MFSD8: variants seen among roughly 807,000 people sequenced by gnomAD.
The protein encoded by MFSD8 is major facilitator superfamily domain-containing protein 8.
A neutral mutation model predicts 66.4 loss-of-function variants in MFSD8; 55 were observed. The observed-to-expected ratio is 0.83, with a 90% CI of 0.67 to 1.04. MFSD8 has a LOEUF of 1.04. Ranked by LOEUF, MFSD8 falls within the 50% of genes least tolerant of loss-of-function variation. The pLI is 0.00. For synonymous variants in MFSD8, 202 were observed against 212.8 expected (o/e 0.95, Z 0.44); for missense variants, 550 against 627.6 (o/e 0.88, Z 1.32).
intron 6 of MFSD8, chr4:127,939,626 AAAAAAAC>A: frequency 3.0e-6 from 1 of 328,140 alleles, no homozygotes; most frequent in Non-Finnish European, 5.5e-6. Context: ...AAAAAAAAAA[AAAAAAAC>A]TTTGAATCTT....
chr4:127,950,260 G>C (rs1331564345), intron 2 of MFSD8, among the ~76,000 whole-genome samples: 3 of 152,204 alleles, frequency 2.0e-5, no homozygotes, highest in Non-Finnish European at 4.4e-5. Flanking sequence ...TAAGGAAAAT[G>C]ATCATCTACA....
At chr4:127,931,989 T>C (rs1374348496) in intron 8 of MFSD8, among the ~76,000 whole-genome samples, 1 of 152,118 alleles carries the variant, frequency 6.6e-6, no homozygotes, top group African/African-American at 2.4e-5. Context: ...CGCATGCCTG[T>C]GGTCCCAGCT....
chr4:127,941,059 T>C (rs1740106829), intron 5 of MFSD8, among the ~76,000 whole-genome samples: 1 of 152,190 alleles, frequency 6.6e-6, no homozygotes, highest in African/African-American at 2.4e-5. Context: ...CATAAGTCTA[T>C]ACCAGGTATT....
chr4:127,927,729 C>T (rs1737454032), intron 9 of MFSD8, among the ~76,000 whole-genome samples: 1 of 152,080 alleles, frequency 6.6e-6, no homozygotes, highest in African/African-American at 2.4e-5. Context: ...CTCTGTCACC[C>T]AGACTGGAGT....
chr4:127,918,955 G>C lies in MFSD8; in HGVS notation c.*1675C>G, dbSNP rs1439859234. The stretch of plus-strand genomic sequence containing the variant: ...ATTAGACGTGGCCCAAAAAATGTAA[G>C]ACAGAGAAAGCAGCTGCAGAATAGC... On this transcript the variant is annotated 3_prime_UTR_variant, in exon 12 of 12. Coordinates refer to ENST00000641686, the MANE Select transcript of MFSD8 (RefSeq NM_001371596.2). The C allele has an allele frequency of 6.6e-6, 1 of 152,152 alleles. No individual in the cohort carries two copies. The highest frequency in any genetic ancestry group is 1.5e-5 in the Non-Finnish European group (1 of 68,048). The allele number at this position is 152,152 out of a possible 1,614,324, so 9.4% of individuals were successfully genotyped here. A position where few individuals can be genotyped will look rare whatever the true frequency, so the allele number is the denominator to read the frequency against.
chr4:127,921,486 T>C (rs1736326498), intron 11 of MFSD8, 38 bp downstream of exon 11: 1 of 1,613,326 alleles, frequency 6.2e-7, no homozygotes, highest in African/African-American at 1.3e-5. Context: ...CTTACAAGTA[T>C]ATTTTCTATA....
chr4:127,924,814 A>C (rs1450988736), intron 9 of MFSD8, among the ~76,000 whole-genome samples: 1 of 152,220 alleles, frequency 6.6e-6, no homozygotes, highest in Non-Finnish European at 1.5e-5. Flanking sequence ...ACAAAGCTGA[A>C]GACATCACAA....
intron 9 of MFSD8, among the ~76,000 whole-genome samples, chr4:127,929,919 A>G (rs771607767): frequency 1.3e-5 from 2 of 152,156 alleles, no homozygotes. Context: ...CTCATACCCC[A>G]AACATATGTA....
intron 9 of MFSD8, among the ~76,000 whole-genome samples, chr4:127,929,454 G>A (rs1737784523): frequency 6.6e-6 from 1 of 150,784 alleles, no homozygotes; most frequent in African/African-American, 2.4e-5. Flanking sequence ...CAGGCATTAT[G>A]GCACATGCCT....
At chr4:127,961,581 G>C (rs1455612756) in intron 1 of MFSD8, among the ~76,000 whole-genome samples, 4 of 152,176 alleles carry the variant, frequency 2.6e-5, no homozygotes, top group African/African-American at 9.6e-5. Flanking sequence ...TTGGGAGGCC[G>C]AGGCGGGCGG....
chr4:127,943,034 T>C (rs1740457738), intron 4 of MFSD8, among the ~76,000 whole-genome samples: 1 of 151,998 alleles, frequency 6.6e-6, no homozygotes, highest in Non-Finnish European at 1.5e-5. Context: ...CTGGCCAAGA[T>C]GGTGAAACTG....
intron 4 of MFSD8, chr4:127,943,427 C>A: frequency 4.1e-6 from 1 of 246,300 alleles, no homozygotes; most frequent in East Asian, 1.1e-4. Context: ...CCTATGTTAC[C>A]CAGGCTGGCC....
At chr4:127,946,454 G>C (rs1741050165) in intron 3 of MFSD8, among the ~76,000 whole-genome samples, 1 of 152,014 alleles carries the variant, frequency 6.6e-6, no homozygotes, top group South Asian at 2.1e-4. Flanking sequence ...ATGACTACCA[G>C]CATGGAAAGA....
Position 127,930,680 on chromosome 4 carries a change from T to TAA in MFSD8, c.998+2_998+3insTT. 6.2e-7 allele frequency: 1 copy of TAA among 1,613,604 alleles called. No homozygotes were observed. Among genetic ancestry groups the TAA allele is most frequent in the Non-Finnish European group, 8.5e-7 (1 of 1,179,772 alleles). On this transcript the variant is annotated splice_region_variant and intron_variant, in intron 9 of 11. Transcript: ENST00000641686. The stretch of plus-strand genomic sequence containing the variant: ...GACATAAAACCAAAAACACTTAACT[T>TAA]ACTTTTTGGAAAGCAACTTAACTCC...
At chr4:127,937,039 ATTCT>A (rs1460847681) in intron 7 of MFSD8, among the ~76,000 whole-genome samples, 4 of 152,118 alleles carry the variant, frequency 2.6e-5, no homozygotes, top group African/African-American at 9.7e-5. Context: ...TTCACCTCTC[ATTCT>A]TTGTGTTTTA....
At chr4:127,951,151 C>T (rs1741888007) in intron 2 of MFSD8, among the ~76,000 whole-genome samples, 1 of 152,038 alleles carries the variant, frequency 6.6e-6, no homozygotes, top group Admixed American at 6.6e-5. Flanking sequence ...TTAAAGTATA[C>T]AATTCAATGG....
At chr4:127,928,923 C>T (rs888576415) in intron 9 of MFSD8, among the ~76,000 whole-genome samples, 1 of 152,086 alleles carries the variant, frequency 6.6e-6, no homozygotes, top group African/African-American at 2.4e-5. Flanking sequence ...GAAATGCCAT[C>T]ATTTGGGGTA....
chr4:127,927,448 T>C (rs373965219), intron 9 of MFSD8, among the ~76,000 whole-genome samples: 19 of 152,324 alleles, frequency 1.2e-4, no homozygotes, highest in Middle Eastern at 3.4e-3. Flanking sequence ...AGTGCTGGGA[T>C]TGCAGGCGTG....
chr4:127,928,175 C>T lies in MFSD8; in HGVS notation c.998+2508G>A, dbSNP rs540222416. Reference sequence around the variant, plus strand: ...GAAGCGATTCTCTTGCCTTAGCCTCCTGAGTAGCTGGGACTACACGCACAT... The same window carrying T: ...GAAGCGATTCTCTTGCCTTAGCCTCTTGAGTAGCTGGGACTACACGCACAT... On this transcript the variant is annotated intron_variant, in intron 9 of 11. Transcript: ENST00000641686. 2.2e-4 allele frequency among the ~76,000 whole-genome samples: 33 copies of T among 152,296 alleles called. 1 individual carries two copies. In the East Asian group the frequency reaches 6.4e-3, roughly 29 times the overall value.
Sources: allele counts gnomAD v4.1 joint callset (sites outside exome capture counted in the v4.1 genomes callset), GRCh38; gene constraint gnomAD v4.1.1; transcripts MANE v1.5; gene names NCBI Gene and HGNC (gene_info 2026-07-23, HGNC 2026-07-21).